Variants in TRPM3 observed in about 807,000 individuals in gnomAD.
The protein encoded by TRPM3 is long transient receptor potential channel 3.
Under a neutral mutation model 181.2 loss-of-function variants are expected in TRPM3, and 77 were observed. The observed-to-expected ratio is 0.42, with a 90% CI of 0.35 to 0.51. The LOEUF (loss-of-function observed/expected upper bound fraction) is 0.51. Ranked by LOEUF, TRPM3 falls within the 20% of genes least tolerant of loss-of-function variation. The probability of loss-of-function intolerance (pLI) is 0.01; values close to 1 mark genes in which losing one functional copy is unlikely to be tolerated. For synonymous variants in TRPM3, 745 were observed against 796.4 expected (o/e 0.94, Z 1.09); for missense variants, 1,759 against 2,196.7 (o/e 0.80, Z 3.98).
In TRPM3 at chr9:71,019,645, C is replaced by T. The variant is rs188881679; in HGVS notation, c.177+101533G>A. Among the ~76,000 whole-genome samples, 223 of 151,664 alleles carry T rather than the reference C, an allele frequency of 1.5e-3. 5 individuals are homozygous for T. In the East Asian group the frequency reaches 0.026, roughly 18 times the overall value. ...TGGAATATTGATATTGTAATGATGC[C>T]AAATCTCTGCAAATTGACCTATAGA... On this transcript the variant is annotated intron_variant, in intron 1 of 25. Transcript: ENST00000677713.
chr9:70,616,261 C>T (rs1422719241), intron 17 of TRPM3, among the ~76,000 whole-genome samples, 186 bp from the exon 18 acceptor site: 2 of 151,936 alleles, frequency 1.3e-5, no homozygotes, highest in African/African-American at 4.8e-5. Flanking sequence ...AACATATTAA[C>T]ATATTAATAC....
chr9:70,985,908 A>G (rs2097416708), intron 1 of TRPM3, among the ~76,000 whole-genome samples: 1 of 152,204 alleles, frequency 6.6e-6, no homozygotes. Context: ...GAATATTTAA[A>G]ACAAAAATAA....
At chr9:71,175,556 G>A (rs1268722482) in intron 1 of TRPM3, among the ~76,000 whole-genome samples, 1 of 152,172 alleles carries the variant, frequency 6.6e-6, no homozygotes, top group Admixed American at 6.6e-5. Context: ...TCTTAGTGGT[G>A]GCAGGCAGTG....
intron 8 of TRPM3, among the ~76,000 whole-genome samples, chr9:70,741,357 T>G (rs2134827535): frequency 6.6e-6 from 1 of 152,310 alleles, no homozygotes; most frequent in Middle Eastern, 3.4e-3. Context: ...TTAACACTGT[T>G]TTAACACTGT....
chr9:71,148,596 A>G (rs1407791840), intron 1 of TRPM3, among the ~76,000 whole-genome samples: 1 of 152,058 alleles, frequency 6.6e-6, no homozygotes, highest in African/African-American at 2.4e-5. Flanking sequence ...CTTAGGAAAA[A>G]CATGAACCAA....
intron 1 of TRPM3, among the ~76,000 whole-genome samples, chr9:71,131,005 A>G (rs758216398): frequency 1.6e-4 from 25 of 152,282 alleles, no homozygotes; most frequent in Non-Finnish European, 3.5e-4. Flanking sequence ...CACCACAATT[A>G]AAATAGATCA....
At chr9:71,104,805 A>G (rs1321248230) in intron 1 of TRPM3, among the ~76,000 whole-genome samples, 4 of 152,208 alleles carry the variant, frequency 2.6e-5, no homozygotes, top group African/African-American at 9.6e-5. Context: ...GCTATACAGA[A>G]TGGCTAAAAC....
intron 1 of TRPM3, among the ~76,000 whole-genome samples, chr9:71,344,374 C>G (rs919506859): frequency 3.9e-5 from 6 of 151,994 alleles, no homozygotes; most frequent in Non-Finnish European, 8.8e-5. Flanking sequence ...TTGCTTGAAC[C>G]CAGGAGGTGG....
chr9:70,978,536 G>A (rs1194865283), intron 1 of TRPM3, among the ~76,000 whole-genome samples: 1 of 152,118 alleles, frequency 6.6e-6, no homozygotes, highest in Admixed American at 6.5e-5. Context: ...CCACAACAGA[G>A]ATGCTTTTAG....
chr9:70,636,832 T>G (rs893633961), intron 11 of TRPM3, among the ~76,000 whole-genome samples: 4 of 151,908 alleles, frequency 2.6e-5, no homozygotes, highest in African/African-American at 9.7e-5. Flanking sequence ...GGATTACAGA[T>G]GTGCACCACC....
At chr9:70,805,623 G>C (rs1266180846) in intron 6 of TRPM3, among the ~76,000 whole-genome samples, 3 of 132,552 alleles carry the variant, frequency 2.3e-5, no homozygotes, top group African/African-American at 8.0e-5. Flanking sequence ...TTGAATAAAA[G>C]AAAATGTTTA....
intron 8 of TRPM3, among the ~76,000 whole-genome samples, chr9:70,690,890 A>G (rs1002193019): frequency 6.6e-5 from 10 of 152,216 alleles, no homozygotes; most frequent in Non-Finnish European, 1.0e-4. Context: ...ATAGAATACT[A>G]TGCATCTAAA....
chr9:70,744,656 G>C (rs555428309), intron 8 of TRPM3, among the ~76,000 whole-genome samples: 4 of 152,132 alleles, frequency 2.6e-5, no homozygotes, highest in Non-Finnish European at 5.9e-5. Context: ...TGGACACTGT[G>C]CCTTCATTTT....
At chr9:71,300,847 A>G (rs61007272) in intron 1 of TRPM3, among the ~76,000 whole-genome samples, 35,420 of 152,108 alleles carry the variant, frequency 0.23, 4,826 homozygotes, top group African/African-American at 0.37. Flanking sequence ...TATGGGATTT[A>G]GCATTTGGAG....
intron 1 of TRPM3, among the ~76,000 whole-genome samples, chr9:70,983,150 T>G (rs780840887): frequency 6.6e-6 from 1 of 152,248 alleles, no homozygotes; most frequent in South Asian, 2.1e-4. Context: ...CATTAGACAC[T>G]GTAAATCACT....
intron 1 of TRPM3, among the ~76,000 whole-genome samples, chr9:71,217,221 A>AT (rs567751331): frequency 1.8e-4 from 28 of 151,790 alleles, no homozygotes; most frequent in African/African-American, 5.1e-4. Flanking sequence ...AAGTGCTGGG[A>AT]TTACAGGCGT....
chr9:70,768,817 C>A (rs558064319), intron 7 of TRPM3, among the ~76,000 whole-genome samples: 147 of 152,178 alleles, frequency 9.7e-4, no homozygotes, highest in Non-Finnish European at 1.8e-3. Context: ...TAGTGAGGGA[C>A]CTGAGACAGG....
At chr9:70,618,548 G>C (rs942721706) in intron 17 of TRPM3, among the ~76,000 whole-genome samples, 1 of 152,230 alleles carries the variant, frequency 6.6e-6, no homozygotes, top group Admixed American at 6.5e-5. Context: ...GACTCCTGGT[G>C]CAGCTGGCTT....
At chr9:71,079,795 A>G (rs1260528546) in intron 1 of TRPM3, among the ~76,000 whole-genome samples, 2 of 152,116 alleles carry the variant, frequency 1.3e-5, no homozygotes, top group African/African-American at 4.8e-5. Flanking sequence ...AGGCTCCTAT[A>G]TCCTGAAATG....
Sources: gnomAD v4.1 joint callset for allele counts (sites outside exome capture counted in the v4.1 genomes callset) on GRCh38, gnomAD v4.1.1 for gene constraint, MANE v1.5 for transcripts, NCBI Gene and HGNC (gene_info 2026-07-23, HGNC 2026-07-21) for gene names.